Variants in ESR1 observed in about 807,000 individuals in gnomAD.
The protein encoded by ESR1 is estrogen receptor 1.
In ESR1, 12 loss-of-function variants were observed where a neutral mutation model predicts 52.7. The ratio of observed to expected loss-of-function variants is 0.23; its 90% CI spans 0.15 to 0.37. The LOEUF (loss-of-function observed/expected upper bound fraction) is 0.37, where lower values mean the gene tolerates loss of function less well. ESR1 is among the 10% of genes least tolerant of loss of function. The probability of loss-of-function intolerance (pLI) is 1.00; values close to 1 mark genes in which losing one functional copy is unlikely to be tolerated. For synonymous variants in ESR1, 305 were observed against 316.8 expected (o/e 0.96, Z 0.39); for missense variants, 584 against 779.7 (o/e 0.75, Z 2.99).
chr6:151,812,208 G>A (rs1404699116), intron 1 of ESR1, among the ~76,000 whole-genome samples: 1 of 152,168 alleles, frequency 6.6e-6, no homozygotes, highest in Non-Finnish European at 1.5e-5. Flanking sequence ...TTTGTTAAGT[G>A]AGATTGTATA....
At chr6:151,985,529 A>C (rs1293024572) in intron 4 of ESR1, among the ~76,000 whole-genome samples, 70 of 133,086 alleles carry the variant, frequency 5.3e-4, no homozygotes, top group East Asian at 1.7e-3. Context: ...AAAAAAAAAA[A>C]AAAACACAAA....
intron 4 of ESR1, among the ~76,000 whole-genome samples, chr6:151,985,465 G>A (rs555508093): frequency 8.3e-5 from 11 of 133,036 alleles, no homozygotes; most frequent in South Asian, 7.2e-4. Flanking sequence ...CCGAGATTGC[G>A]CCACTGCACT....
At position 151,985,563 on chromosome 6, in the gene ESR1, A is replaced by G. The variant is rs113402369; in HGVS notation, c.1097-26093A>G. ...AACAAAAAAAAAAAAGAAAAAGAAAATAAACCTGATCTATAGATGAGGCCA... is the reference window on the plus strand; with the variant it reads ...AACAAAAAAAAAAAAGAAAAAGAAAGTAAACCTGATCTATAGATGAGGCCA... On this transcript the variant is annotated intron_variant, in intron 4 of 7. Transcript: ENST00000206249. Among the ~76,000 whole-genome samples, 1,476 of 151,246 alleles carry G rather than the reference A, an allele frequency of 9.8e-3. 22 individuals carry two copies. Among genetic ancestry groups the G allele is most frequent in the African/African-American group, 0.029 (1,182 of 41,106 alleles).
intron 2 of ESR1, among the ~76,000 whole-genome samples, chr6:151,722,510 T>C (rs1781533553): frequency 6.6e-6 from 1 of 152,208 alleles, no homozygotes; most frequent in Non-Finnish European, 1.5e-5. Context: ...GGAAAGCTGG[T>C]GCTGTTGGCG....
At chr6:151,846,845 A>T (rs1785204431) in intron 2 of ESR1, among the ~76,000 whole-genome samples, 1 of 152,206 alleles carries the variant, frequency 6.6e-6, no homozygotes, top group African/African-American at 2.4e-5. Context: ...GATGTGTTTT[A>T]GACAGAGTCC....
intron 4 of ESR1, among the ~76,000 whole-genome samples, chr6:151,961,320 A>AT (rs1187242055): frequency 6.6e-6 from 1 of 152,226 alleles, no homozygotes; most frequent in Admixed American, 6.5e-5. Flanking sequence ...TGAAGATGGT[A>AT]TAAGATGAAA....
At chr6:151,746,502 G>A (rs1783493579) in intron 2 of ESR1, among the ~76,000 whole-genome samples, 1 of 152,230 alleles carries the variant, frequency 6.6e-6, no homozygotes, top group South Asian at 2.1e-4. Flanking sequence ...TACCTCAGGT[G>A]TATTTTACAC....
At chr6:151,938,243 C>A (rs2034608534) in intron 3 of ESR1, among the ~76,000 whole-genome samples, 1 of 152,012 alleles carries the variant, frequency 6.6e-6, no homozygotes, top group South Asian at 2.1e-4. Flanking sequence ...TAAGAAAACT[C>A]ATTTCAATGA....
At chr6:151,865,188 A>G (rs1455672701) in intron 2 of ESR1, among the ~76,000 whole-genome samples, 10 of 152,132 alleles carry the variant, frequency 6.6e-5, no homozygotes, top group Admixed American at 6.6e-4. Flanking sequence ...CACCCCACAC[A>G]TAGATATTTT....
At chr6:151,712,913 G>T (rs991279373) in intron 2 of ESR1, among the ~76,000 whole-genome samples, 2 of 152,146 alleles carry the variant, frequency 1.3e-5, no homozygotes, top group Non-Finnish European at 2.9e-5. Flanking sequence ...CTTGTCTGGT[G>T]CTGGTTTTCA....
chr6:151,672,186 G>A (rs995874715), intron 1 of ESR1, among the ~76,000 whole-genome samples: 2 of 151,902 alleles, frequency 1.3e-5, no homozygotes, highest in South Asian at 2.1e-4. Context: ...TGGTAGATAT[G>A]TTAATTAGCT....
At chr6:151,817,421 G>C (rs1173288305) in intron 1 of ESR1, among the ~76,000 whole-genome samples, 7 of 150,458 alleles carry the variant, frequency 4.7e-5, no homozygotes, top group Admixed American at 4.6e-4. Context: ...GTGCCTCAAG[G>C]TTTTGCTGTT....
chr6:151,820,269 C>A (rs778687481), intron 1 of ESR1, among the ~76,000 whole-genome samples: 4 of 152,118 alleles, frequency 2.6e-5, no homozygotes, highest in African/African-American at 4.8e-5. Context: ...GTTCCTTGGA[C>A]AGAATAAATG....
At chr6:152,114,796 C>T (rs1303724483) in intron 6 of ESR1, among the ~76,000 whole-genome samples, 1 of 142,438 alleles carries the variant, frequency 7.0e-6, no homozygotes, top group Non-Finnish European at 1.5e-5. Context: ...GAGGCTGAGG[C>T]AGGAGAATGG....
chr6:151,992,475 G>A (rs538364606), intron 4 of ESR1, among the ~76,000 whole-genome samples: 1 of 152,196 alleles, frequency 6.6e-6, no homozygotes, highest in South Asian at 2.1e-4. Flanking sequence ...GTTTTCTTAT[G>A]CGTTTTTATA....
intron 3 of ESR1, among the ~76,000 whole-genome samples, chr6:151,940,743 C>T (rs1001519055): frequency 2.6e-5 from 4 of 152,152 alleles, no homozygotes; most frequent in African/African-American, 4.8e-5. Context: ...ATTCATTCAA[C>T]GAATATTGAA....
chr6:152,121,821 CTTAT>C (rs2051449481), intron 6 of ESR1: 4 of 152,844 alleles, frequency 2.6e-5, no homozygotes, highest in Admixed American at 6.5e-5. Flanking sequence ...CTTCCATGAT[CTTAT>C]TTATTACATC....
chr6:151,853,190 A>G (rs1345539257), intron 2 of ESR1, among the ~76,000 whole-genome samples: 1 of 147,796 alleles, frequency 6.8e-6, no homozygotes, highest in African/African-American at 2.6e-5. Flanking sequence ...AAAAAAAAAA[A>G]AAAAAAAAGA....
At chr6:151,670,484 A>T (rs2115248274) in intron 1 of ESR1, among the ~76,000 whole-genome samples, 1 of 152,314 alleles carries the variant, frequency 6.6e-6, no homozygotes, top group South Asian at 2.1e-4. Flanking sequence ...CTCCTGGCAC[A>T]TGGTAGGAGC....
Sources: gnomAD v4.1 joint callset for allele counts (sites outside exome capture counted in the v4.1 genomes callset) on GRCh38, gnomAD v4.1.1 for gene constraint, MANE v1.5 for transcripts, NCBI Gene and HGNC (gene_info 2026-07-23, HGNC 2026-07-21) for gene names.